The following ALK variants were observed in gnomAD, a reference collection of about 807,000 sequenced individuals.
ALK encodes ALK tyrosine kinase receptor.
A neutral mutation model predicts 163.1 loss-of-function variants in ALK; 74 were observed. The ratio of observed to expected loss-of-function variants is 0.45; its 90% CI spans 0.38 to 0.55. ALK has a LOEUF of 0.55. Among genes scored for constraint, ALK ranks in the 20% least tolerant of loss-of-function variants. The probability of loss-of-function intolerance (pLI) is 0.00; values close to 1 mark genes in which losing one functional copy is unlikely to be tolerated. For synonymous variants in ALK, 960 were observed against 843.2 expected (o/e 1.14, Z -2.40); for missense variants, 2,063 against 2,105.3 (o/e 0.98, Z 0.39).
intron 4 of ALK, among the ~76,000 whole-genome samples, chr2:29,510,131 T>G (rs1672469579): frequency 6.6e-6 from 1 of 152,074 alleles, no homozygotes; most frequent in Non-Finnish European, 1.5e-5. Flanking sequence ...CTAGAAGAAG[T>G]AAAAAGGCTG....
At chr2:29,637,140 T>G (rs1240244818) in intron 3 of ALK, among the ~76,000 whole-genome samples, 1 of 152,182 alleles carries the variant, frequency 6.6e-6, no homozygotes. Context: ...TACACAAATA[T>G]TTAGAGCAAT....
chr2:29,826,448 T>TA (rs397959887), intron 1 of ALK, among the ~76,000 whole-genome samples: 2,980 of 140,082 alleles, frequency 0.021, 28 homozygotes, highest in Middle Eastern at 0.038. Context: ...CCAGTTGATT[T>TA]AAAAAAAAAA....
At chr2:29,428,674 G>A (rs570692358) in intron 4 of ALK, among the ~76,000 whole-genome samples, 6 of 151,938 alleles carry the variant, frequency 3.9e-5, no homozygotes, top group Non-Finnish European at 8.8e-5. Flanking sequence ...CTTCACTACT[G>A]AATTATGTCA....
intron 3 of ALK, among the ~76,000 whole-genome samples, chr2:29,647,785 T>TTC (rs1286604741): frequency 2.7e-5 from 4 of 148,824 alleles, no homozygotes; most frequent in Middle Eastern, 3.4e-3. Context: ...CTTTTTTTTT[T>TTC]TTTTTTTTTG....
At chr2:29,484,070 A>G (rs1399458098) in intron 4 of ALK, among the ~76,000 whole-genome samples, 2 of 152,164 alleles carry the variant, frequency 1.3e-5, no homozygotes, top group Non-Finnish European at 2.9e-5. Context: ...CTTATTCACT[A>G]TCATGAGAAC....
chr2:29,209,196 G>A (rs1669395835), intron 25 of ALK, among the ~76,000 whole-genome samples: 1 of 152,142 alleles, frequency 6.6e-6, no homozygotes, highest in African/African-American at 2.4e-5. Context: ...GTTATCCCAT[G>A]TCTCAGAGCA....
intron 12 of ALK, among the ~76,000 whole-genome samples, chr2:29,241,551 C>T (rs989765867): frequency 6.6e-6 from 1 of 151,502 alleles, no homozygotes; most frequent in African/African-American, 2.4e-5. Context: ...ATGTTGGCTT[C>T]ACATGGAGCT....
At chr2:29,568,983 G>A (rs1222728015) in intron 3 of ALK, among the ~76,000 whole-genome samples, 1 of 152,080 alleles carries the variant, frequency 6.6e-6, no homozygotes, top group Non-Finnish European at 1.5e-5. Context: ...ACAGGGCGGG[G>A]GATGAGTCTT....
intron 12 of ALK, 103 bp from the exon 13 acceptor site, chr2:29,239,933 G>A: frequency 2.2e-6 from 3 of 1,370,784 alleles, no homozygotes; most frequent in Non-Finnish European, 2.0e-6. Context: ...CGCCATCGTG[G>A]TCTGAGGGTT....
intron 25 of ALK, among the ~76,000 whole-genome samples, chr2:29,208,439 G>A (rs1669372164): frequency 1.3e-5 from 2 of 152,308 alleles, no homozygotes; most frequent in African/African-American, 2.4e-5. Flanking sequence ...TGCAGCATTT[G>A]TATTTGAAAT....
chr2:29,720,503 G>A (rs1014664881), intron 1 of ALK, among the ~76,000 whole-genome samples: 4 of 152,176 alleles, frequency 2.6e-5, no homozygotes, highest in Admixed American at 1.3e-4. Flanking sequence ...TGATAAGCCG[G>A]ATGAGGCTAG....
At chr2:29,857,457 A>G (rs561091244) in intron 1 of ALK, among the ~76,000 whole-genome samples, 43 of 152,322 alleles carry the variant, frequency 2.8e-4, no homozygotes, top group Non-Finnish European at 5.7e-4. Flanking sequence ...ACTGTGGCAT[A>G]TAATAGTGTA....
At chr2:29,888,754 G>T (rs2148422977) in intron 1 of ALK, among the ~76,000 whole-genome samples, 1 of 152,044 alleles carries the variant, frequency 6.6e-6, no homozygotes, top group African/African-American at 2.4e-5. Context: ...CAAAATTTTT[G>T]CATCTTTTAC....
intron 4 of ALK, among the ~76,000 whole-genome samples, chr2:29,530,884 A>G (rs929722172): frequency 6.6e-6 from 1 of 152,242 alleles, no homozygotes; most frequent in Non-Finnish European, 1.5e-5. Context: ...TTTGATGTCA[A>G]GATTTCATTC....
At chr2:29,680,325 T>G (rs935630154) in intron 3 of ALK, among the ~76,000 whole-genome samples, 3 of 152,226 alleles carry the variant, frequency 2.0e-5, no homozygotes, top group Middle Eastern at 3.4e-3. Context: ...ATTATAACAC[T>G]TCATGTTGTC....
intron 3 of ALK, among the ~76,000 whole-genome samples, chr2:29,569,364 T>C (rs1280891707): frequency 2.6e-5 from 4 of 152,150 alleles, no homozygotes. Flanking sequence ...TCTGCATCCT[T>C]ACATAGCCAA....
chr2:29,346,042 T>C (rs1667938845), intron 5 of ALK, among the ~76,000 whole-genome samples: 1 of 152,218 alleles, frequency 6.6e-6, no homozygotes, highest in Non-Finnish European at 1.5e-5. Context: ...ATAATGGACA[T>C]ATATAACTTT....
chr2:29,619,467 T>A (rs888639188), intron 3 of ALK, among the ~76,000 whole-genome samples: 6 of 152,160 alleles, frequency 3.9e-5, no homozygotes, highest in African/African-American at 1.4e-4. Context: ...CCTTCTCCCC[T>A]TTTCTGTGGG....
At chr2:29,655,032 G>A (rs1366233806) in intron 3 of ALK, among the ~76,000 whole-genome samples, 1 of 148,306 alleles carries the variant, frequency 6.7e-6, no homozygotes, top group African/African-American at 2.6e-5. Context: ...TTCAAAAGCT[G>A]AAAGTATCTG....
Sources: gnomAD v4.1 joint callset for allele counts (sites outside exome capture counted in the v4.1 genomes callset) on GRCh38, gnomAD v4.1.1 for gene constraint, MANE v1.5 for transcripts, NCBI Gene and HGNC (gene_info 2026-07-23, HGNC 2026-07-21) for gene names.